IL7: variants seen among roughly 807,000 people sequenced by gnomAD.
IL7 encodes the protein interleukin-7.
IL7 carries 3 observed loss-of-function variants against 21.6 expected under a neutral mutation model. The ratio of observed to expected loss-of-function variants is 0.14; its 90% CI spans 0.06 to 0.36. The LOEUF is 0.36. IL7 is among the 10% of genes least tolerant of loss of function. IL7 has a pLI of 1.00. For missense variants in IL7, 175 were observed against 200.2 expected (o/e 0.87, Z 0.76); for synonymous variants, 62 against 68.1 (o/e 0.91, Z 0.44).
intron 3 of IL7, among the ~76,000 whole-genome samples, chr8:78,691,773 T>C (rs1220129363): frequency 6.6e-6 from 1 of 152,170 alleles, no homozygotes. Flanking sequence ...CCCATATCTA[T>C]GGATATTTTT....
At chr8:78,708,672 C>CT (rs66697724) in intron 3 of IL7, among the ~76,000 whole-genome samples, 2 of 142,572 alleles carry the variant, frequency 1.4e-5, no homozygotes, top group Admixed American at 7.0e-5. Context: ...AGATGATTAT[C>CT]TTTTTTTTTT....
chr8:78,738,578 T>C lies in IL7; in HGVS notation c.286A>G (p.Ser96Gly). 6.2e-7 allele frequency: 1 copy of C among 1,613,450 alleles called. No individual in the cohort carries two copies. The highest frequency in any genetic ancestry group is 8.5e-7 in the Non-Finnish European group (1 of 1,179,426). The change falls in exon 4 of 6, where the codon AGC becomes GGC. Residue 96 changes from serine to glycine, a missense_variant. By Grantham distance (56) the Ser-to-Gly change is moderately conservative. Coordinates refer to ENST00000263851, the MANE Select transcript of IL7 (RefSeq NM_000880.4). ...AAGTGGAGATCAAAATCACCAGTGCTATTCATTTTAAGAAATTGCCTCAAC... is the reference window on the plus strand; with the variant it reads ...AAGTGGAGATCAAAATCACCAGTGCCATTCATTTTAAGAAATTGCCTCAAC... The part of the protein sequence containing the change: ...RKLRQFLKMN[S>G]TGDFDLHLLK...
rs557594529 is a variant in IL7, at chr8:78,760,041, G to A, written c.148-19959C>T. ...ATCAATGGCTAATGTATTCAATGGA[G>A]TCCTATAGGCAAAGATATTTAGTGA... On this transcript the variant is annotated intron_variant, in intron 2 of 5. Coordinates refer to ENST00000263851, the MANE Select transcript of IL7 (RefSeq NM_000880.4). 8.8e-4 allele frequency: 941 copies of A among 1,074,892 alleles called. 3 individuals carry two copies. Among genetic ancestry groups the A allele is most frequent in the Non-Finnish European group, 9.8e-4 (771 of 788,730 alleles). 66.6% of individuals were successfully genotyped at this position (1,074,892 alleles called of 1,614,324 possible).
At chr8:78,761,846 C>A (rs1812571475) in intron 2 of IL7, 2 of 1,611,932 alleles carry the variant, frequency 1.2e-6, no homozygotes, top group Non-Finnish European at 8.5e-7. Context: ...AGTAAAGAGA[C>A]CTTCTGGGAT....
intron 2 of IL7, among the ~76,000 whole-genome samples, chr8:78,752,840 C>T (rs372375516): frequency 9.2e-5 from 14 of 152,130 alleles, no homozygotes; most frequent in African/African-American, 2.2e-4. Context: ...TGAGAACGTG[C>T]GGTCTTTGGT....
At chr8:78,769,080 C>T (rs1390645665) in intron 2 of IL7, among the ~76,000 whole-genome samples, 1 of 152,138 alleles carries the variant, frequency 6.6e-6, no homozygotes, top group Non-Finnish European at 1.5e-5. Flanking sequence ...CAATATCATA[C>T]TGAATGGGCA....
intron 2 of IL7, among the ~76,000 whole-genome samples, chr8:78,758,285 G>C (rs558054018): frequency 1.2e-4 from 18 of 152,140 alleles, no homozygotes; most frequent in African/African-American, 4.1e-4. Flanking sequence ...TAATAGGTGA[G>C]AACTTACTAC....
At chr8:78,710,577 T>C (rs1272441712) in intron 3 of IL7, among the ~76,000 whole-genome samples, 2 of 152,072 alleles carry the variant, frequency 1.3e-5, no homozygotes, top group Non-Finnish European at 2.9e-5. Context: ...AATTTTAATT[T>C]CAGGAAGTTT....
chr8:78,793,367 T>A (rs1813756780), intron 2 of IL7, among the ~76,000 whole-genome samples: 1 of 152,144 alleles, frequency 6.6e-6, no homozygotes, highest in Admixed American at 6.6e-5. Context: ...ATACTGTGGG[T>A]TTGGTTCCAC....
chr8:78,737,881 C>G (rs1483133871), intron 4 of IL7, among the ~76,000 whole-genome samples: 2 of 152,152 alleles, frequency 1.3e-5, no homozygotes, highest in African/African-American at 2.4e-5. Flanking sequence ...TGTGTTATGC[C>G]ATTTAATCCT....
chr8:78,793,514 T>C (rs930374824), intron 2 of IL7, among the ~76,000 whole-genome samples: 1 of 152,190 alleles, frequency 6.6e-6, no homozygotes, highest in African/African-American at 2.4e-5. Flanking sequence ...AATGTATACA[T>C]TTTAATTTAA....
intron 3 of IL7, among the ~76,000 whole-genome samples, chr8:78,695,586 A>G (rs1293967535): frequency 6.6e-6 from 1 of 152,104 alleles, no homozygotes. Flanking sequence ...TAGTTTAACA[A>G]ATTTTTGTTA....
chr8:78,777,521 C>T (rs1813170983), intron 2 of IL7, among the ~76,000 whole-genome samples: 1 of 152,038 alleles, frequency 6.6e-6, no homozygotes, highest in Admixed American at 6.6e-5. Flanking sequence ...GGGAAACTAC[C>T]TTTAAGGACT....
At chr8:78,763,835 A>C (rs1470210275) in intron 2 of IL7, among the ~76,000 whole-genome samples, 1 of 152,180 alleles carries the variant, frequency 6.6e-6, no homozygotes, top group East Asian at 1.9e-4. Flanking sequence ...CTATAAGGCC[A>C]GCATTACCCT....
At chr8:78,788,490 C>G (rs984427584) in intron 2 of IL7, among the ~76,000 whole-genome samples, 10 of 151,932 alleles carry the variant, frequency 6.6e-5, no homozygotes, top group Non-Finnish European at 1.5e-4. Flanking sequence ...CATATGTTAT[C>G]AAAAATTGTG....
At chr8:78,675,418 G>A (rs1015424726), downstream of IL7, among the ~76,000 whole-genome samples, 2 of 151,778 alleles carry the variant, frequency 1.3e-5, no homozygotes, top group African/African-American at 4.8e-5. Context: ...ATTTCTTCAT[G>A]CCTTGGAAAT....
intron 2 of IL7, among the ~76,000 whole-genome samples, chr8:78,746,130 C>A (rs989943224): frequency 1.3e-5 from 2 of 152,156 alleles, no homozygotes; most frequent in African/African-American, 4.8e-5. Context: ...CATTATTTAG[C>A]CTACTATAGA....
chr8:78,792,272 T>C (rs192307945), intron 2 of IL7, among the ~76,000 whole-genome samples: 9 of 152,234 alleles, frequency 5.9e-5, no homozygotes, highest in African/African-American at 2.2e-4. Context: ...TCACACCACG[T>C]ACATAAATTA....
intron 2 of IL7, among the ~76,000 whole-genome samples, chr8:78,742,660 C>G (rs185524478): frequency 1.8e-4 from 27 of 152,214 alleles, no homozygotes; most frequent in Non-Finnish European, 3.1e-4. Flanking sequence ...GAATTTTATG[C>G]TTTATCTTTA....
Sources: allele counts gnomAD v4.1 joint callset (sites outside exome capture counted in the v4.1 genomes callset), GRCh38; gene constraint gnomAD v4.1.1; transcripts MANE v1.5; gene names NCBI Gene and HGNC (gene_info 2026-07-23, HGNC 2026-07-21).